Variants in ANKDD1A observed in about 807,000 individuals in gnomAD.
The protein encoded by ANKDD1A is ankyrin repeat and death domain containing 1A.
ANKDD1A carries 59 observed loss-of-function variants against 63.5 expected under a neutral mutation model. That is an observed-to-expected ratio of 0.93 (90% CI 0.75 to 1.15). The LOEUF (loss-of-function observed/expected upper bound fraction) is 1.15, where lower values mean the gene tolerates loss of function less well. ANKDD1A is among the 50% of genes most tolerant of loss of function. The pLI, the probability that ANKDD1A is intolerant of heterozygous loss-of-function variation, is 0.00. For missense variants in ANKDD1A, 632 were observed against 656.4 expected, an observed-to-expected ratio of 0.96 and a Z score of 0.41; for synonymous variants, 266 against 263.9, an observed-to-expected ratio of 1.01 and a Z score of -0.08.
chr15:64,953,165 C>CTTT (rs2085332688), intron 14 of ANKDD1A, among the ~76,000 whole-genome samples: 1 of 13,036 alleles, frequency 7.7e-5, no homozygotes, highest in Non-Finnish European at 3.1e-4. Flanking sequence ...TTCTTCTTTC[C>CTTT]TTCTTTTCTT....
chr15:64,915,494 A>G (rs1397928828), intron 1 of ANKDD1A, among the ~76,000 whole-genome samples: 1 of 152,130 alleles, frequency 6.6e-6, no homozygotes, highest in Non-Finnish European at 1.5e-5. Context: ...GGGAGGGTAC[A>G]TGAAACTTGG....
chr15:64,930,338 T>C (rs1007970483), intron 6 of ANKDD1A, among the ~76,000 whole-genome samples: 1 of 149,134 alleles, frequency 6.7e-6, no homozygotes, highest in Admixed American at 6.7e-5. Flanking sequence ...ATCTGTGCAG[T>C]GGGGAAAGGA....
chr15:64,931,975 C>T, intron 8 of ANKDD1A: 1 of 258,914 alleles, frequency 3.9e-6, no homozygotes, highest in Non-Finnish European at 7.4e-6. Flanking sequence ...CTCACTGTAA[C>T]CTCCGCCTCC....
chr15:64,936,382 G>C (rs2085132511), intron 9 of ANKDD1A, among the ~76,000 whole-genome samples: 1 of 152,120 alleles, frequency 6.6e-6, no homozygotes, highest in African/African-American at 2.4e-5. Context: ...AAGTTTTCCT[G>C]TTACCTTCAT....
intron 4 of ANKDD1A, 137 bp downstream of exon 4, chr15:64,922,156 A>G (rs1203438949): frequency 3.0e-6 from 2 of 666,722 alleles, no homozygotes; most frequent in African/African-American, 2.0e-5. Context: ...CTTTCATCTG[A>G]TCTCCCCCAC....
chr15:64,935,225 C>T lies in ANKDD1A; in HGVS notation c.867+991C>T, dbSNP rs865826721. ...CCTGGGCAAGAGTGAGACTCTGTCT[C>T]AAAAAAAAAAAAAAAAAAAATTGGG... On this transcript the variant is annotated intron_variant, in intron 9 of 14. Coordinates refer to ENST00000319580, the MANE Select transcript of ANKDD1A (RefSeq NM_182703.6). Among the ~76,000 whole-genome samples the T allele has an allele frequency of 6.7e-4, 66 of 98,736 alleles. No individual in the cohort carries two copies. The Admixed American group carries it at 6.7e-3, about 10-fold the overall frequency. The allele number at this position is 98,736 out of a possible 152,430, so 64.8% of individuals were successfully genotyped here.
chr15:64,953,734 CCTT>C (rs202007524), intron 14 of ANKDD1A, among the ~76,000 whole-genome samples: 72,489 of 133,578 alleles, frequency 0.54, 20,061 homozygotes, highest in East Asian at 0.83. Context: ...TTCTTCTCCT[CCTT>C]CTTCTTTCCT....
At chr15:64,955,058 T>TTC (rs2085406137) in intron 14 of ANKDD1A, among the ~76,000 whole-genome samples, 1 of 150,272 alleles carries the variant, frequency 6.7e-6, no homozygotes, top group South Asian at 2.1e-4. Flanking sequence ...TTTCTTCTTC[T>TTC]TTTCTCTTTT....
chr15:64,934,646 C>T lies in ANKDD1A; in HGVS notation c.867+412C>T, dbSNP rs185953674. 2.1e-3 allele frequency among the ~76,000 whole-genome samples: 311 copies of T among 149,884 alleles called. 2 individuals carry two copies. Among genetic ancestry groups the T allele is most frequent in the African/African-American group, 7.3e-3 (298 of 40,816 alleles). On this transcript the variant is annotated intron_variant, in intron 9 of 14. Coordinates refer to ENST00000319580, the MANE Select transcript of ANKDD1A (RefSeq NM_182703.6). ...TCCTGAATAGCTGGAACTAGAGGCA[C>T]ACACCACCATGCCCAGCTAATTTTT...
chr15:64,954,673 TTC>T (rs2140393885), intron 14 of ANKDD1A, among the ~76,000 whole-genome samples: 2 of 72,362 alleles, frequency 2.8e-5, no homozygotes, highest in East Asian at 5.5e-4. Flanking sequence ...TTCTTGTCTC[TTC>T]TTCTTCTCTC....
At chr15:64,950,153 G>C (rs2085258370) in intron 14 of ANKDD1A, 181 bp downstream of exon 14, 1 of 985,284 alleles carries the variant, frequency 1.0e-6, no homozygotes, top group African/African-American at 1.7e-5. Flanking sequence ...TCCTGGCCCT[G>C]GTTTCCCCAT....
intron 9 of ANKDD1A, among the ~76,000 whole-genome samples, chr15:64,935,619 G>A (rs2085125027): frequency 6.6e-6 from 1 of 151,926 alleles, no homozygotes; most frequent in South Asian, 2.1e-4. Flanking sequence ...AGCTTGCAGT[G>A]AGCCGAGATC....
At chr15:64,951,720 C>CGTTCTTCCTTTCTTTTCTTCTTCTTT (rs1276132353) in intron 14 of ANKDD1A, among the ~76,000 whole-genome samples, 1 of 136,252 alleles carries the variant, frequency 7.3e-6, no homozygotes, top group African/African-American at 2.7e-5. Context: ...TCTTTTTCTT[C>CGTTCTTCCTTTCTTTTCTTCTTCTTT]CCTTTTCTTC....
chr15:64,917,666 C>A (rs776931785), intron 3 of ANKDD1A, 152 bp downstream of exon 3: 1 of 1,226,506 alleles, frequency 8.2e-7, no homozygotes, highest in African/African-American at 1.5e-5. Context: ...AGGGACACTG[C>A]ACTGATTCTG....
At chr15:64,956,416 G>A (rs1335715946) in intron 14 of ANKDD1A, among the ~76,000 whole-genome samples, 3 of 152,076 alleles carry the variant, frequency 2.0e-5, no homozygotes, top group Admixed American at 6.6e-5. Context: ...AGGCATGGTG[G>A]CGGGCACCTG....
intron 12 of ANKDD1A, among the ~76,000 whole-genome samples, chr15:64,945,856 T>C (rs997573421): frequency 6.6e-6 from 1 of 151,488 alleles, no homozygotes; most frequent in African/African-American, 2.4e-5. Flanking sequence ...ATGGTCTCAA[T>C]CTTCTGACCT....
chr15:64,914,395 C>T (rs1403333799), intron 1 of ANKDD1A, among the ~76,000 whole-genome samples: 1 of 152,234 alleles, frequency 6.6e-6, no homozygotes, highest in Admixed American at 6.5e-5. Flanking sequence ...TCAAGCAAGC[C>T]TCTTGCCTTA....
chr15:64,926,845 C>T, intron 5 of ANKDD1A, 56 bp from the exon 6 acceptor site: 1 of 1,577,970 alleles, frequency 6.3e-7, no homozygotes, highest in East Asian at 2.2e-5. Context: ...TGGGCAGAGG[C>T]AGGTATGCCC....
chr15:64,946,945 A>G (rs1167284629), intron 12 of ANKDD1A, among the ~76,000 whole-genome samples: 1 of 152,188 alleles, frequency 6.6e-6, no homozygotes, highest in Non-Finnish European at 1.5e-5. Context: ...CTGCTTTGCT[A>G]GAAAGGATTT....
Sources: gnomAD v4.1 joint callset for allele counts (sites outside exome capture counted in the v4.1 genomes callset) on GRCh38, gnomAD v4.1.1 for gene constraint, MANE v1.5 for transcripts, NCBI Gene and HGNC (gene_info 2026-07-23, HGNC 2026-07-21) for gene names.